NEXMIF: variants seen among roughly 807,000 people sequenced by gnomAD.
The protein encoded by NEXMIF is neurite extension and migration factor, also known as XLMR protein related to neurite extension.
A neutral mutation model predicts 62.1 loss-of-function variants in NEXMIF; 8 were observed. The ratio of observed to expected loss-of-function variants is 0.13; its 90% CI spans 0.08 to 0.23. NEXMIF has a LOEUF of 0.23. Ranked by LOEUF, NEXMIF falls within the 10% of genes least tolerant of loss-of-function variation. NEXMIF has a pLI of 1.00. For missense variants in NEXMIF, 976 were observed against 1,113.3 expected (o/e 0.88, Z 1.75); for synonymous variants, 404 against 416.6 (o/e 0.97, Z 0.37).
chrX:74,910,676 C>T (rs2080786070), intron 1 of NEXMIF, among the ~76,000 whole-genome samples: 1 of 111,431 alleles, frequency 9.0e-6, no homozygotes, highest in Non-Finnish European at 1.9e-5. Context: ...CTCTGTGTGC[C>T]CACCCAAATC....
Position 74,741,255 on chromosome X carries a change from C to T in NEXMIF, c.3302G>A (p.Gly1101Asp). The change falls in exon 3 of 4, where the codon GGT becomes GAT. Residue 1101 changes from glycine (G) to aspartate (D), a missense_variant. Around this residue, in one of 5 missense-constraint regions of NEXMIF, gnomAD observed 639 missense variants for 694.5 expected, o/e 0.92. Transcript: ENST00000055682. ...CACACTGTCCAATGGTCCTGGGACA[C>T]CCTCTTGGAACCCCTTTAGTGTTCC... ...TLGTLKGFQE[G>D]VPGPLDSVEK... 1 of 1,211,232 alleles carries T rather than the reference C, an allele frequency of 8.3e-7. No homozygotes were observed. Among genetic ancestry groups the T allele is most frequent in the Non-Finnish European group, 1.1e-6 (1 of 895,126 alleles).
chrX:74,838,703 A>C (rs1305664390), intron 1 of NEXMIF, among the ~76,000 whole-genome samples: 1 of 111,747 alleles, frequency 8.9e-6, no homozygotes, highest in Non-Finnish European at 1.9e-5. Flanking sequence ...GCTCTGCTTT[A>C]ACCACTCAGT....
At chrX:74,836,499 G>C (rs2080457038) in intron 1 of NEXMIF, among the ~76,000 whole-genome samples, 1 of 111,453 alleles carries the variant, frequency 9.0e-6, no homozygotes, top group Non-Finnish European at 1.9e-5. Context: ...TTAGTTAGCA[G>C]GTGATGAATC....
At chrX:74,836,250 A>G (rs1055377888) in intron 1 of NEXMIF, among the ~76,000 whole-genome samples, 5 of 112,860 alleles carry the variant, frequency 4.4e-5, no homozygotes, top group African/African-American at 1.3e-4. Context: ...GCCTAGACTC[A>G]GGGAACCCAA....
At position 74,917,840 on chromosome X, in the gene NEXMIF, G is replaced by A. The variant is rs373983739; in HGVS notation, c.-48+7043C>T. Among the ~76,000 whole-genome samples the A allele has an allele frequency of 7.8e-4, 87 of 111,701 alleles. 2 individuals are homozygous for A. In the South Asian group the frequency reaches 0.031, roughly 40 times the overall value. On this transcript the variant is annotated intron_variant, in intron 1 of 3. Transcript: ENST00000055682. ...TATTTTATATATTAATGATGAACTTGTGTGTGGGGTGTGTGAAAGCTGAAC... is the reference window on the plus strand; with the variant it reads ...TATTTTATATATTAATGATGAACTTATGTGTGGGGTGTGTGAAAGCTGAAC...
chrX:74,909,444 G>T (rs2080780345), intron 1 of NEXMIF, among the ~76,000 whole-genome samples: 1 of 111,912 alleles, frequency 8.9e-6, no homozygotes, highest in Non-Finnish European at 1.9e-5. Flanking sequence ...GTATCTGGTG[G>T]AATAAATTTC....
intron 1 of NEXMIF, among the ~76,000 whole-genome samples, chrX:74,910,872 T>G (rs1317341512): frequency 8.9e-6 from 1 of 111,838 alleles, no homozygotes; most frequent in African/African-American, 3.3e-5. Flanking sequence ...GCTGCAACCA[T>G]GTAAGTAGTG....
intron 1 of NEXMIF, among the ~76,000 whole-genome samples, chrX:74,809,115 C>A (rs894543628): frequency 9.0e-6 from 1 of 111,293 alleles, no homozygotes; most frequent in Admixed American, 9.6e-5. Flanking sequence ...GAGAGCAGCA[C>A]CTTGATCTTG....
intron 1 of NEXMIF, among the ~76,000 whole-genome samples, chrX:74,791,296 T>A (rs2080281567): frequency 8.9e-6 from 1 of 111,988 alleles, no homozygotes; most frequent in African/African-American, 3.2e-5. Flanking sequence ...TTTGTGTATA[T>A]TGAACCAGCC....
In NEXMIF at chrX:74,791,574, C is replaced by A. The variant is rs771332314; in HGVS notation, c.-47-45877G>T. 3.3e-3 allele frequency among the ~76,000 whole-genome samples: 367 copies of A among 111,596 alleles called. 2 individuals carry two copies. Among genetic ancestry groups the A allele is most frequent in the African/African-American group, 0.011 (350 of 30,693 alleles). ...ATGGTACCAGCTAATCCTTGTACCT[C>A]TGGTAGAATTCGGCTGTGAATCCAT... is the stretch of plus-strand genomic sequence containing the variant. On this transcript the variant is annotated intron_variant, in intron 1 of 3. Transcript: ENST00000055682.
chrX:74,871,045 T>C, intron 1 of NEXMIF, among the ~76,000 whole-genome samples: 1 of 112,034 alleles, frequency 8.9e-6, no homozygotes, highest in Middle Eastern at 4.6e-3. Flanking sequence ...GTATTCACAA[T>C]AGCCAGGATT....
Position 74,735,528 on chromosome X carries a change from T to C in NEXMIF, c.*3877A>G, listed in dbSNP as rs1004727203. ...GCTTGCTAGAGTTGTTTATAGCTTTTGAAGCATCCTTTTGCCTCTCTCTTA... is the reference window on the plus strand; with the variant it reads ...GCTTGCTAGAGTTGTTTATAGCTTTCGAAGCATCCTTTTGCCTCTCTCTTA... On this transcript the variant is annotated 3_prime_UTR_variant, in exon 4 of 4. Coordinates refer to ENST00000055682, the MANE Select transcript of NEXMIF (RefSeq NM_001008537.3). 6 of 111,857 alleles carry C rather than the reference T, an allele frequency of 5.4e-5. No individual in the cohort carries two copies. Among genetic ancestry groups the C allele is most frequent in the African/African-American group, 2.0e-4 (6 of 30,706 alleles). The allele number at this position is 111,857 out of a possible 1,213,427, so 9.2% of individuals were successfully genotyped here. A position where few individuals can be genotyped will look rare whatever the true frequency, so the allele number is the denominator to read the frequency against.
chrX:74,924,388 G>T (rs934739895), intron 1 of NEXMIF, among the ~76,000 whole-genome samples: 1 of 113,121 alleles, frequency 8.8e-6, no homozygotes, highest in African/African-American at 3.2e-5. Context: ...TGTCCTGGGG[G>T]CGCTCTGTGG....
At chrX:74,913,362 CAG>C (rs764465425) in intron 1 of NEXMIF, among the ~76,000 whole-genome samples, 1 of 111,399 alleles carries the variant, frequency 9.0e-6, no homozygotes, top group South Asian at 3.7e-4. Flanking sequence ...GTCTGAACAA[CAG>C]AGAAAAAATA....
chrX:74,743,477 A>G lies in NEXMIF; in HGVS notation c.1080T>C (p.Asp360=). Reference sequence around the variant, plus strand: ...CATCAGGGACCTTGAATTGGGAAAAATCACTGCTCTGCTTCAGGGCCCCAC... The same window carrying G: ...CATCAGGGACCTTGAATTGGGAAAAGTCACTGCTCTGCTTCAGGGCCCCAC... ...SKSGALKQSS[D]FSQFKVPDVS... The change falls in exon 3 of 4, where the codon GAT becomes GAC. Residue 360 remains aspartate (D), a synonymous_variant. Coordinates refer to ENST00000055682, the MANE Select transcript of NEXMIF (RefSeq NM_001008537.3). 8.3e-7 allele frequency: 1 copy of G among 1,211,370 alleles called. No homozygotes were observed. Among genetic ancestry groups the G allele is most frequent in the Non-Finnish European group, 1.1e-6 (1 of 895,487 alleles).
Position 74,920,280 on chromosome X carries a change from A to C in NEXMIF, c.-48+4603T>G, listed in dbSNP as rs1215171932. Among the ~76,000 whole-genome samples the C allele has an allele frequency of 2.7e-5, 3 of 111,024 alleles. No individual in the cohort carries two copies. In the East Asian group the frequency reaches 9.0e-4, roughly 33 times the overall value. On this transcript the variant is annotated intron_variant, in intron 1 of 3. Transcript: ENST00000055682. Reference sequence around the variant, plus strand: ...GTTCCTATTTCTCCACATCCTCTCCAGCACCTGTTGTTTCCTGACTTTTTA... The same window carrying C: ...GTTCCTATTTCTCCACATCCTCTCCCGCACCTGTTGTTTCCTGACTTTTTA...
At chrX:74,884,254 C>T (rs769642380) in intron 1 of NEXMIF, among the ~76,000 whole-genome samples, 4 of 111,710 alleles carry the variant, frequency 3.6e-5, no homozygotes, top group African/African-American at 1.3e-4. Flanking sequence ...GCAAAATAAC[C>T]AGCTAACATC....
At chrX:74,747,668 T>C (rs2080129832) in intron 1 of NEXMIF, among the ~76,000 whole-genome samples, 2 of 105,494 alleles carry the variant, frequency 1.9e-5, no homozygotes, top group African/African-American at 7.1e-5. Context: ...TGAGACAGAG[T>C]CTCATTCCAT....
At chrX:74,865,590 C>T (rs905575627) in intron 1 of NEXMIF, among the ~76,000 whole-genome samples, 1 of 111,971 alleles carries the variant, frequency 8.9e-6, no homozygotes, top group Non-Finnish European at 1.9e-5. Flanking sequence ...AAAACATCTC[C>T]AGGCCATGTC....
Sources: gnomAD v4.1 joint callset for allele counts (sites outside exome capture counted in the v4.1 genomes callset) on GRCh38, gnomAD v4.1.1 for gene constraint, gnomAD v4.1.1 regional missense constraint, MANE v1.5 for transcripts, NCBI Gene and HGNC (gene_info 2026-07-23, HGNC 2026-07-21) for gene names.